The following CECR2 variants were observed in gnomAD, a reference collection of about 807,000 sequenced individuals.
The protein encoded by CECR2 is chromatin remodeling regulator CECR2.
In CECR2, 30 loss-of-function variants were observed where a neutral mutation model predicts 154.5. The ratio of observed to expected loss-of-function variants is 0.19; its 90% CI spans 0.15 to 0.26. The LOEUF (loss-of-function observed/expected upper bound fraction) is 0.26. CECR2 is among the 10% of genes least tolerant of loss of function. The pLI, the probability that CECR2 is intolerant of heterozygous loss-of-function variation, is 1.00. For missense variants in CECR2, 1,743 were observed against 1,829.3 expected (o/e 0.95, Z 0.86); for synonymous variants, 725 against 683.7 (o/e 1.06, Z -0.94).
At chr22:17,463,180 G>A (rs2054970624) in intron 1 of CECR2, among the ~76,000 whole-genome samples, 1 of 152,192 alleles carries the variant, frequency 6.6e-6, no homozygotes, top group Non-Finnish European at 1.5e-5. Context: ...GAGTGTATCT[G>A]AGGAGCAGGT....
At chr22:17,393,909 C>T (rs1261583777) in intron 1 of CECR2, among the ~76,000 whole-genome samples, 3 of 126,272 alleles carry the variant, frequency 2.4e-5, no homozygotes, top group African/African-American at 6.3e-5. Flanking sequence ...TTTTTTGAGA[C>T]GGAGTTTTGC....
chr22:17,534,748 G>A (rs1260233487), intron 9 of CECR2: 2 of 144,322 alleles, frequency 1.4e-5, no homozygotes, highest in Non-Finnish European at 3.0e-5. Flanking sequence ...AGCCAGGTGG[G>A]TCTCCATCTC....
chr22:17,457,449 G>A (rs181124579), intron 1 of CECR2, among the ~76,000 whole-genome samples: 22 of 152,198 alleles, frequency 1.4e-4, no homozygotes, highest in African/African-American at 5.1e-4. Context: ...AATACCTTTC[G>A]TTAATAAAAT....
chr22:17,503,654 C>G (rs1474890080), intron 6 of CECR2, among the ~76,000 whole-genome samples: 1 of 152,134 alleles, frequency 6.6e-6, no homozygotes, highest in Non-Finnish European at 1.5e-5. Flanking sequence ...TTGTTAAATT[C>G]ACAGTAGTTA....
chr22:17,435,164 G>C (rs73375094), intron 1 of CECR2, among the ~76,000 whole-genome samples: 1 of 152,180 alleles, frequency 6.6e-6, no homozygotes, highest in African/African-American at 2.4e-5. Context: ...GAGATACCCA[G>C]ATTTTTGTGT....
At chr22:17,428,800 G>T (rs1030119308) in intron 1 of CECR2, among the ~76,000 whole-genome samples, 2 of 142,182 alleles carry the variant, frequency 1.4e-5, no homozygotes, top group African/African-American at 5.2e-5. Context: ...GTTTTTATTT[G>T]TGTGTGTGTG....
intron 1 of CECR2, among the ~76,000 whole-genome samples, chr22:17,391,571 G>C (rs2063326203): frequency 6.6e-6 from 1 of 152,178 alleles, no homozygotes; most frequent in Non-Finnish European, 1.5e-5. Context: ...CCAAGCATGT[G>C]AGGGCCTGGC....
chr22:17,390,255 G>C (rs933134550), intron 1 of CECR2, among the ~76,000 whole-genome samples: 13 of 152,178 alleles, frequency 8.5e-5, no homozygotes, highest in African/African-American at 3.1e-4. Flanking sequence ...CTCCACTTGG[G>C]CTTGTTGGAA....
chr22:17,413,331 A>C (rs1374942957), intron 1 of CECR2, among the ~76,000 whole-genome samples: 1 of 152,174 alleles, frequency 6.6e-6, no homozygotes, highest in Non-Finnish European at 1.5e-5. Context: ...CTTCGTTTCC[A>C]AGCAAATACC....
chr22:17,480,459 C>CACACACACAGAGAGAG (rs373106595), intron 2 of CECR2, among the ~76,000 whole-genome samples: 6 of 143,850 alleles, frequency 4.2e-5, no homozygotes, highest in South Asian at 2.2e-4. Context: ...CACACACACA[C>CACACACACAGAGAGAG]AGAGAAAAGT....
At chr22:17,533,790 C>G (rs1177890640) in intron 9 of CECR2, among the ~76,000 whole-genome samples, 1 of 149,872 alleles carries the variant, frequency 6.7e-6, no homozygotes, top group Non-Finnish European at 1.5e-5. Flanking sequence ...GATCTCGGCT[C>G]ACCGCAACCT....
chr22:17,507,480 T>C (rs767751078), intron 7 of CECR2, among the ~76,000 whole-genome samples: 1 of 152,242 alleles, frequency 6.6e-6, no homozygotes, highest in Non-Finnish European at 1.5e-5. Context: ...ACTTTATTGA[T>C]ATCATCAGTC....
chr22:17,405,299 C>CT (rs1165608161), intron 1 of CECR2, among the ~76,000 whole-genome samples: 1 of 151,966 alleles, frequency 6.6e-6, no homozygotes, highest in Non-Finnish European at 1.5e-5. Flanking sequence ...GTAATCCCAG[C>CT]TACTCAGGAG....
At chr22:17,389,535 T>G (rs1017416864) in intron 1 of CECR2, among the ~76,000 whole-genome samples, 5 of 152,156 alleles carry the variant, frequency 3.3e-5, no homozygotes, top group Admixed American at 1.3e-4. Flanking sequence ...GGTCTTGAAC[T>G]CCTGGGCTCA....
intron 4 of CECR2, among the ~76,000 whole-genome samples, chr22:17,499,772 G>C (rs2055701751): frequency 6.6e-6 from 1 of 152,162 alleles, no homozygotes. Flanking sequence ...GTTCTTGATA[G>C]GAGGTTTCTG....
chr22:17,380,845 T>G (rs1569043310), intron 1 of CECR2, among the ~76,000 whole-genome samples: 2 of 152,236 alleles, frequency 1.3e-5, no homozygotes, highest in African/African-American at 4.8e-5. Context: ...CCTGGCCGGT[T>G]CCTTTTAATG....
At chr22:17,470,604 A>G (rs1159951509) in intron 1 of CECR2, among the ~76,000 whole-genome samples, 1 of 152,086 alleles carries the variant, frequency 6.6e-6, no homozygotes, top group Non-Finnish European at 1.5e-5. Context: ...TAAAGATACT[A>G]TAATCTTTTC....
chr22:17,480,964 C>T (rs1252460030), intron 2 of CECR2, among the ~76,000 whole-genome samples: 4 of 150,156 alleles, frequency 2.7e-5, no homozygotes, highest in Admixed American at 1.3e-4. Context: ...TGCTTCAACC[C>T]GGGAGGCGGA....
chr22:17,387,496 G>A (rs939650415), intron 1 of CECR2, among the ~76,000 whole-genome samples: 5 of 152,154 alleles, frequency 3.3e-5, no homozygotes, highest in Non-Finnish European at 5.9e-5. Flanking sequence ...CCCAGCCATA[G>A]AGGAATTAAC....
Sources: gnomAD v4.1 joint callset for allele counts (sites outside exome capture counted in the v4.1 genomes callset) on GRCh38, gnomAD v4.1.1 for gene constraint, MANE v1.5 for transcripts, NCBI Gene and HGNC (gene_info 2026-07-23, HGNC 2026-07-21) for gene names.